Variants in POTEC observed in about 807,000 individuals in gnomAD.
POTEC encodes POTE ankyrin domain family member C.
A neutral mutation model predicts 62.0 loss-of-function variants in POTEC; 35 were observed. The ratio of observed to expected loss-of-function variants is 0.56; its 90% CI spans 0.43 to 0.75. POTEC has a LOEUF of 0.75. POTEC is among the 30% of genes least tolerant of loss of function. The pLI is 0.00. For missense variants in POTEC, 472 were observed against 655.9 expected (o/e 0.72, Z 3.06); for synonymous variants, 156 against 221.5 (o/e 0.70, Z 2.62).
At chr18:14,541,525 C>A (rs11877933) in intron 1 of POTEC, among the ~76,000 whole-genome samples, 2,365 of 152,162 alleles carry the variant, frequency 0.016, 59 homozygotes, top group African/African-American at 0.053. Flanking sequence ...CCTGTAATCC[C>A]AGCTACTTGG....
intron 6 of POTEC, among the ~76,000 whole-genome samples, chr18:14,528,318 T>C (rs1294941489): frequency 6.6e-6 from 1 of 152,170 alleles, no homozygotes; most frequent in Admixed American, 6.5e-5. Context: ...TATTCTTTCT[T>C]GCAGAAGAAA....
In POTEC at chr18:14,542,887, T is replaced by C; in HGVS notation, c.260A>G (p.Asp87Gly). The change falls in exon 1 of 11, where the codon GAC becomes GGC. Residue 87 changes from aspartate (D) to glycine (G), a missense_variant. By Grantham distance (94) the Asp-to-Gly change is moderately conservative (BLOSUM62 -1). Around this residue, in one of 5 missense-constraint regions of POTEC, gnomAD observed 257 missense variants for 250.7 expected, o/e 1.03. Coordinates refer to ENST00000358970, the MANE Select transcript of POTEC (RefSeq NM_001137671.2). ...CCTGAGCGTCTTCATAAAGGAGTTG[T>C]CATGGTCTCCAGAAGTGCCCACGTT... ...TSNVGTSGDH[D>G]NSFMKTLRSK... 3.1e-6 allele frequency: 4 copies of C among 1,305,024 alleles called. No individual in the cohort carries two copies. Among genetic ancestry groups the C allele is most frequent in the Non-Finnish European group, 4.3e-6 (4 of 937,292 alleles). The allele number at this position is 1,305,024 out of a possible 1,614,324, so 80.8% of individuals were successfully genotyped here.
chr18:14,539,364 T>C (rs1425094098), intron 1 of POTEC, among the ~76,000 whole-genome samples: 5 of 151,320 alleles, frequency 3.3e-5, no homozygotes, highest in African/African-American at 9.7e-5. Flanking sequence ...GTACAGATTA[T>C]TTCATTACCC....
chr18:14,534,358 A>C (rs1336768682), intron 4 of POTEC, among the ~76,000 whole-genome samples: 1 of 152,112 alleles, frequency 6.6e-6, no homozygotes, highest in African/African-American at 2.4e-5. Context: ...GAAATAAAGA[A>C]GAAAAAAAGC....
chr18:14,510,222 C>T lies in POTEC; in HGVS notation c.*1676G>A, dbSNP rs978349138. ...GTGTGTTGTACCTGTGGAAGATGGA[C>T]TGACTTGTTCCTTGTGTCAACTGCA... On this transcript the variant is annotated 3_prime_UTR_variant, in exon 11 of 11. Transcript: ENST00000358970. 1 of 152,240 alleles carries T rather than the reference C, an allele frequency of 6.6e-6. No homozygotes were observed. Among genetic ancestry groups the T allele is most frequent in the Non-Finnish European group, 1.5e-5 (1 of 68,056 alleles). 9.4% of individuals were successfully genotyped at this position (152,240 alleles called of 1,614,324 possible).
intron 9 of POTEC, 21 bp from the exon 10 acceptor site, chr18:14,513,806 C>T (rs1386999339): frequency 6.2e-7 from 1 of 1,604,242 alleles, no homozygotes; most frequent in African/African-American, 1.3e-5. Context: ...TTTTAATTTT[C>T]ATGAAATACT....
chr18:14,513,028 T>C (rs943243170), intron 10 of POTEC, among the ~76,000 whole-genome samples: 45 of 152,274 alleles, frequency 3.0e-4, no homozygotes, highest in Non-Finnish European at 4.7e-4. Flanking sequence ...TGAAACATTA[T>C]AGTAGTAAGT....
chr18:14,543,577 G>T lies in POTEC; in HGVS notation c.-431C>A, dbSNP rs570257469. The T allele has an allele frequency of 2.2e-4, 64 of 296,498 alleles. No individual in the cohort carries two copies. The highest frequency in any genetic ancestry group is 2.0e-3 in the Admixed American group (39 of 19,902). 18.4% of individuals were successfully genotyped at this position (296,498 alleles called of 1,614,324 possible). The stretch of plus-strand genomic sequence containing the variant: ...GAGGAACGCAAAGCGAAGCGTACCC[G>T]TTACAGGTAAGCCAAGCCGTTATGC... On this transcript the variant is annotated 5_prime_UTR_variant, in exon 1 of 11. Transcript: ENST00000358970.
rs1180252933 is a variant in POTEC, at chr18:14,510,485, C to G, written c.*1413G>C. The G allele has an allele frequency of 2.6e-5, 4 of 151,846 alleles. No individual in the cohort carries two copies. The highest frequency in any genetic ancestry group is 4.8e-5 in the African/African-American group (2 of 41,302). The allele number at this position is 151,846 out of a possible 1,614,324, so 9.4% of individuals were successfully genotyped here. A position where few individuals can be genotyped will look rare whatever the true frequency, so the allele number is the denominator to read the frequency against. ...GATATGGAAATGGGCACCCACATAA[C>G]AGTCTGGCCACTTTTCTGTGGGGCT... On this transcript the variant is annotated 3_prime_UTR_variant, in exon 11 of 11. Coordinates refer to ENST00000358970, the MANE Select transcript of POTEC (RefSeq NM_001137671.2).
At chr18:14,513,534 T>TACACACACACACAC (rs375774843) in intron 10 of POTEC, 128 bp downstream of exon 10, 1 of 1,260,500 alleles carries the variant, frequency 7.9e-7, no homozygotes, top group African/African-American at 2.0e-5. Flanking sequence ...TGTTTACATA[T>TACACACACACACAC]ATACACACAC....
At chr18:14,537,190 CACACACACACACACACACACA>C (rs1905749134) in intron 3 of POTEC, among the ~76,000 whole-genome samples, 1 of 78,330 alleles carries the variant, frequency 1.3e-5, no homozygotes, top group African/African-American at 8.3e-5. Flanking sequence ...CACACACACA[CACACACACACACACACACACA>C]AAAAAAAAAA....
intron 6 of POTEC, among the ~76,000 whole-genome samples, chr18:14,529,248 C>A (rs1394061673): frequency 6.6e-6 from 1 of 151,936 alleles, no homozygotes; most frequent in Admixed American, 6.6e-5. Context: ...TAACAAGCTC[C>A]TGTCTGTATT....
intron 9 of POTEC, among the ~76,000 whole-genome samples, chr18:14,515,650 A>G (rs1422999368): frequency 3.6e-5 from 2 of 55,064 alleles, no homozygotes; most frequent in Non-Finnish European, 6.4e-5. Flanking sequence ...AAAAATAAAT[A>G]AACAAATAAA....
rs1455711774 is a variant in POTEC, at chr18:14,543,330, C to T, written c.-184G>A. 4 of 1,127,542 alleles carry T rather than the reference C, an allele frequency of 3.5e-6. No individual in the cohort carries two copies. In the African/African-American group the frequency reaches 4.8e-5, roughly 14 times the overall value. 69.8% of individuals were successfully genotyped at this position (1,127,542 alleles called of 1,614,324 possible). ...CCCACCCAGGGAAAACCCACACCCA[C>T]CCGGGGAAAGCCCACGCCCACCAGG... is the stretch of plus-strand genomic sequence containing the variant. On this transcript the variant is annotated 5_prime_UTR_variant, in exon 1 of 11. It adds an upstream start codon to the 5' untranslated region. Coordinates refer to ENST00000358970, the MANE Select transcript of POTEC (RefSeq NM_001137671.2).
At chr18:14,539,334 G>A (rs1184633619) in intron 1 of POTEC, among the ~76,000 whole-genome samples, 1 of 151,818 alleles carries the variant, frequency 6.6e-6, no homozygotes, top group Non-Finnish European at 1.5e-5. Flanking sequence ...ATAGGTAAAC[G>A]TGTGCCAAGG....
rs1156534758 is a variant in POTEC at position 14,509,467 on chromosome 18, T to C, written c.*2431A>G. ...GTGTGGGTTGGGGTGTGTGCTGCAT[T>C]CCCATATGCTGTTAGGGCAAGTACA... On this transcript the variant is annotated 3_prime_UTR_variant, in exon 11 of 11. Transcript: ENST00000358970. 1 of 151,738 alleles carries C rather than the reference T, an allele frequency of 6.6e-6. No individual in the cohort carries two copies. Among genetic ancestry groups the C allele is most frequent in the Non-Finnish European group, 1.5e-5 (1 of 67,964 alleles). The allele number at this position is 151,738 out of a possible 1,614,324, so 9.4% of individuals were successfully genotyped here.
chr18:14,518,812 G>C (rs1443767680), intron 9 of POTEC, among the ~76,000 whole-genome samples: 1 of 148,748 alleles, frequency 6.7e-6, no homozygotes, highest in South Asian at 2.2e-4. Flanking sequence ...AAGCACTAGG[G>C]GTAGATAAGG....
chr18:14,541,379 C>T (rs1434882204), intron 1 of POTEC, among the ~76,000 whole-genome samples: 1 of 152,168 alleles, frequency 6.6e-6, no homozygotes, highest in Non-Finnish European at 1.5e-5. Flanking sequence ...GTTTCAGAGG[C>T]TCATGACTGT....
rs55928315 is a variant in POTEC at position 14,512,774 on chromosome 18, T to TAC, written c.1534-783_1534-782dup. Reference sequence around the variant, plus strand: ...TGACAGTGCAAGACTCCATCTAGAATACACACACACACACACACACACGTA... The same window carrying TAC: ...TGACAGTGCAAGACTCCATCTAGAATACACACACACACACACACACACACGTA... On this transcript the variant is annotated intron_variant, in intron 10 of 10. Coordinates refer to ENST00000358970, the MANE Select transcript of POTEC (RefSeq NM_001137671.2). 8.8e-3 allele frequency among the ~76,000 whole-genome samples: 1,315 copies of TAC among 150,128 alleles called. 7 individuals carry two copies. Among genetic ancestry groups the TAC allele is most frequent in the Middle Eastern group, 0.014 (4 of 290 alleles).
Sources: gnomAD v4.1 joint callset for allele counts (sites outside exome capture counted in the v4.1 genomes callset) on GRCh38, gnomAD v4.1.1 for gene constraint, gnomAD v4.1.1 regional missense constraint, MANE v1.5 for transcripts, NCBI Gene and HGNC (gene_info 2026-07-23, HGNC 2026-07-21) for gene names.